Variants in CROCC2 observed in about 807,000 individuals in gnomAD.
The protein encoded by CROCC2 is ciliary rootlet coiled-coil protein 2.
CROCC2 carries 163 observed loss-of-function variants against 177.6 expected under a neutral mutation model. That is an observed-to-expected ratio of 0.92 (90% confidence interval 0.81 to 1.05). CROCC2 has a LOEUF of 1.05. CROCC2 is among the 50% of genes least tolerant of loss of function. The probability of loss-of-function intolerance (pLI) is 0.00; values close to 1 mark genes in which losing one functional copy is unlikely to be tolerated. For synonymous variants in CROCC2, 904 were observed against 787.3 expected (o/e 1.15, Z -2.48); for missense variants, 1,929 against 1,797.8 (o/e 1.07, Z -1.32).
chr2:240,939,030 G>A (rs1005384496), intron 14 of CROCC2, among the ~76,000 whole-genome samples: 22 of 151,982 alleles, frequency 1.4e-4, no homozygotes, highest in Non-Finnish European at 5.9e-5. Flanking sequence ...ACTAAGACCT[G>A]CAGAACAAAG....
At chr2:240,934,823 C>T (rs931226033) in intron 12 of CROCC2, 93 bp from the exon 13 acceptor site, 1 of 1,337,568 alleles carries the variant, frequency 7.5e-7, no homozygotes, top group Non-Finnish European at 9.8e-7. Context: ...GGCTTGCACA[C>T]CTCCGTGGCT....
rs928174388 is a variant in CROCC2 at position 240,972,846 on chromosome 2, G to A, written c.4401+4584G>A. 6.6e-6 allele frequency among the ~76,000 whole-genome samples: 1 copy of A among 152,148 alleles called. No homozygotes were observed. The highest frequency in any genetic ancestry group is 1.5e-5 in the Non-Finnish European group (1 of 68,002). On this transcript the variant is annotated intron_variant, in intron 27 of 31. Coordinates refer to ENST00000690015, the MANE Select transcript of CROCC2 (RefSeq NM_001351305.2). The surrounding 1 kb of genome is among the most constrained non-coding windows in gnomAD (Gnocchi z 7.1). ...AACTTTTTGTAATCTATGAGTCATT[G>A]TGATAGGTTTCTGGATTCAGACACA...
At chr2:240,976,869 A>C (rs2059770316) in intron 27 of CROCC2, among the ~76,000 whole-genome samples, 2 of 17,052 alleles carry the variant, frequency 1.2e-4, no homozygotes, top group African/African-American at 4.3e-4. Flanking sequence ...ATCCCTGCTC[A>C]GTCTCTGGGG....
In CROCC2 at chr2:240,993,065, G is replaced by T; in HGVS notation, c.4947-1G>T. 1.4e-6 allele frequency: 1 copy of T among 717,132 alleles called. No homozygotes were observed. Among genetic ancestry groups the T allele is most frequent in the South Asian group, 1.5e-5 (1 of 67,536 alleles). The allele number at this position is 717,132 out of a possible 1,614,324, so 44.4% of individuals were successfully genotyped here. A position where few individuals can be genotyped will look rare whatever the true frequency, so the allele number is the denominator to read the frequency against. ...ACGCCTCCCTCTTTGCATCCCTGCAGCGCCCAAAGGGACTGAAGCTCCCAG... is the reference window on the plus strand; with the variant it reads ...ACGCCTCCCTCTTTGCATCCCTGCATCGCCCAAAGGGACTGAAGCTCCCAG... On this transcript the variant is annotated splice_acceptor_variant, in intron 31 of 31. Coordinates refer to ENST00000690015, the MANE Select transcript of CROCC2 (RefSeq NM_001351305.2). LOFTEE classifies it high-confidence loss of function.
Position 240,958,290 on chromosome 2 carries a change from T to A in CROCC2, c.2944-1011T>A. On this transcript the variant is annotated intron_variant, in intron 19 of 31. Coordinates refer to ENST00000690015, the MANE Select transcript of CROCC2 (RefSeq NM_001351305.2). The surrounding 1 kb of genome is among the most constrained non-coding windows in gnomAD (Gnocchi z 6.7). ...TGCAGCCAGGCCTCAGGGGCACCCA[T>A]CACTGGCAGTGTTGGGGCATGCTGA... The A allele has an allele frequency of 7.2e-6, 5 of 694,528 alleles. No homozygotes were observed. Among genetic ancestry groups the A allele is most frequent in the Non-Finnish European group, 8.9e-6 (5 of 564,120 alleles). The allele number at this position is 694,528 out of a possible 1,614,324, so 43.0% of individuals were successfully genotyped here.
Position 240,960,052 on chromosome 2 carries a change from G to A in CROCC2, c.3087+608G>A, listed in dbSNP as rs1049031878. On this transcript the variant is annotated intron_variant, in intron 20 of 31. Coordinates refer to ENST00000690015, the MANE Select transcript of CROCC2 (RefSeq NM_001351305.2). The surrounding 1 kb of genome is among the most constrained non-coding windows in gnomAD (Gnocchi z 5.0). ...TCGTTCCACGCACAGTTAAGAAAGT[G>A]GAGTCAGGAAGGGCCTGACTCTGGA... Among the ~76,000 whole-genome samples, 6 of 152,246 alleles carry A rather than the reference G, an allele frequency of 3.9e-5. No homozygotes were observed. Among genetic ancestry groups the A allele is most frequent in the East Asian group, 1.9e-4 (1 of 5,194 alleles).
At chr2:240,975,328 G>C (rs1317395488) in intron 27 of CROCC2, among the ~76,000 whole-genome samples, 1 of 152,204 alleles carries the variant, frequency 6.6e-6, no homozygotes, top group African/African-American at 2.4e-5. Flanking sequence ...CCACTGTGTG[G>C]AGTGAAGGGC....
intron 28 of CROCC2, among the ~76,000 whole-genome samples, chr2:240,987,398 C>A (rs2059847736): frequency 6.6e-6 from 1 of 152,196 alleles, no homozygotes; most frequent in Non-Finnish European, 1.5e-5. Flanking sequence ...TCACTTTTCT[C>A]TTCTCTTTAT....
intron 20 of CROCC2, among the ~76,000 whole-genome samples, chr2:240,962,430 G>A (rs1416557463): frequency 6.6e-6 from 1 of 152,136 alleles, no homozygotes; most frequent in African/African-American, 2.4e-5. Context: ...CTTCTGGGCG[G>A]GTTTCTGCTG....
chr2:240,928,512 T>G lies in CROCC2; in HGVS notation c.646-1654T>G, dbSNP rs577901659. On this transcript the variant is annotated intron_variant, in intron 5 of 31. Transcript: ENST00000690015. Reference sequence around the variant, plus strand: ...TGACTTCACCAACTCCTGGCCTAAGTGTTCCAGCCGTTCAGGCCAGCCCAG... The same window carrying G: ...TGACTTCACCAACTCCTGGCCTAAGGGTTCCAGCCGTTCAGGCCAGCCCAG... Among the ~76,000 whole-genome samples the G allele has an allele frequency of 5.3e-5, 8 of 152,110 alleles. No homozygotes were observed. The East Asian group carries it at 1.6e-3, about 30-fold the overall frequency.
chr2:240,966,369 G>A lies in CROCC2; in HGVS notation c.4106G>A (p.Arg1369Gln), dbSNP rs752998489. 28 of 402,346 alleles carry A rather than the reference G, an allele frequency of 7.0e-5. No individual in the cohort carries two copies. The highest frequency in any genetic ancestry group is 4.1e-4 in the African/African-American group (20 of 48,838). The allele number at this position is 402,346 out of a possible 1,614,324, so 24.9% of individuals were successfully genotyped here. ...GTGGCCACCGTGCAGGACATCCTGCGGGACTTTGTGCAGAAGCTCCGGGAA... is the reference window on the plus strand; with the variant it reads ...GTGGCCACCGTGCAGGACATCCTGCAGGACTTTGTGCAGAAGCTCCGGGAA... ...MDVATVQDIL[R>Q]DFVQKLREAQ... is the part of the protein sequence containing the mutation. Residue 1369 changes from arginine to glutamine, a missense_variant, in exon 25 of 32, where the codon CGG becomes CAG. By Grantham distance (43) the Arg-to-Gln change is conservative. Around this residue, in one of 3 missense-constraint regions of CROCC2, gnomAD observed 388 missense variants for 352.7 expected, o/e 1.10. Coordinates refer to ENST00000690015, the MANE Select transcript of CROCC2 (RefSeq NM_001351305.2).
intron 18 of CROCC2, among the ~76,000 whole-genome samples, chr2:240,951,614 G>GC (rs2059557284): frequency 6.6e-6 from 1 of 151,500 alleles, no homozygotes; most frequent in African/African-American, 2.4e-5. Context: ...CAGTTCATTT[G>GC]ACTATCCATC....
Position 240,925,017 on chromosome 2 carries a change from G to GC in CROCC2, c.489-702dup, listed in dbSNP as rs543873457. Among the ~76,000 whole-genome samples the GC allele has an allele frequency of 3.5e-3, 447 of 127,350 alleles. 41 individuals carry two copies. The highest frequency in any genetic ancestry group is 0.032 in the East Asian group (89 of 2,756). The allele number at this position is 127,350 out of a possible 152,430, so 83.5% of individuals were successfully genotyped here. ...TGACCCGGCCCCCCACACTGACCCA[G>GC]CCCCCACATTAACCCAGCCCTGCAC... On this transcript the variant is annotated intron_variant, in intron 4 of 31. Transcript: ENST00000690015.
At chr2:240,966,169 G>C in intron 24 of CROCC2, 56 bp from the exon 25 acceptor site, 1 of 1,219,176 alleles carries the variant, frequency 8.2e-7, no homozygotes, top group Non-Finnish European at 1.0e-6. Flanking sequence ...AAGGGGAAGG[G>C]CGTGTATCTG....
intron 28 of CROCC2, chr2:240,983,572 C>T (rs2059816599): frequency 1.6e-6 from 2 of 1,280,104 alleles, no homozygotes; most frequent in Non-Finnish European, 2.0e-6. Context: ...GCGCTCAGCT[C>T]GCACAGGTAG....
In CROCC2 at chr2:240,933,742, G is replaced by A; in HGVS notation, c.1536G>A (p.Gln512=). 1 of 1,550,134 alleles carries A rather than the reference G, an allele frequency of 6.5e-7. No homozygotes were observed. Among genetic ancestry groups the A allele is most frequent in the South Asian group, 1.2e-5 (1 of 84,042 alleles). ...GKADAADAEK[Q]GLEAEAAELQ... The stretch of plus-strand genomic sequence containing the variant: ...CAGATGCTGCAGATGCGGAGAAGCA[G>A]GGGCTGGAGGCCGAGGCTGCAGAGC... The change falls in exon 11 of 32, where the codon CAG becomes CAA. Residue 512 remains glutamine, a synonymous_variant. Coordinates refer to ENST00000690015, the MANE Select transcript of CROCC2 (RefSeq NM_001351305.2).
chr2:240,932,898 G>T lies in CROCC2; in HGVS notation c.1241G>T (p.Arg414Leu). 6.5e-7 allele frequency: 1 copy of T among 1,546,062 alleles called. No homozygotes were observed. Residue 414 changes from arginine (R) to leucine (L), a missense_variant, in exon 9 of 32, where the codon CGG becomes CTG. This residue lies in a region of CROCC2 where 1,397 missense variants were observed against 1,239.9 expected (regional missense o/e 1.13). Transcript: ENST00000690015. ...AMRAAIERRW[R>L]REQELCLQLK... ...CGGGCAGCCATAGAGAGGCGGTGGC[G>T]GCGGGAACAGGTGGGCAGCCGCAGC...
Position 240,955,897 on chromosome 2 carries a change from T to G in CROCC2, c.2868T>G (p.Ser956Arg). ...AAGAAACAGAGCGGAGCCTTCTGAGTGAGGAGCTCTCCAGGGCCAGGAGGA... is the reference window on the plus strand; with the variant it reads ...AAGAAACAGAGCGGAGCCTTCTGAGGGAGGAGCTCTCCAGGGCCAGGAGGA... ...SLKETERSLL[S>R]EELSRARRTL... Residue 956 changes from serine to arginine, a missense_variant, in exon 19 of 32, where the codon AGT (serine) becomes AGG (arginine). Ser to Arg is a moderately radical substitution (Grantham distance 110). Around this residue, in one of 3 missense-constraint regions of CROCC2, gnomAD observed 1,397 missense variants for 1,239.9 expected, o/e 1.13. Transcript: ENST00000690015. 6.5e-7 allele frequency: 1 copy of G among 1,534,728 alleles called. No individual in the cohort carries two copies. The highest frequency in any genetic ancestry group is 8.7e-7 in the Non-Finnish European group (1 of 1,146,836).
rs979173272 is a variant in CROCC2 at position 240,934,929 on chromosome 2, A to G, written c.1805A>G (p.Asn602Ser). ...RSALARAECS[N>S]ADLELLVRRL... ...TCCCTGCCCCAGGCCGAGTGCAGCA[A>G]TGCGGACCTGGAGCTTCTTGTGAGG... The change falls in exon 13 of 32, where the codon AAT becomes AGT. Residue 602 changes from asparagine to serine, a missense_variant. Coordinates refer to ENST00000690015, the MANE Select transcript of CROCC2 (RefSeq NM_001351305.2). The G allele has an allele frequency of 1.2e-5, 19 of 1,520,062 alleles. No individual in the cohort carries two copies. The highest frequency in any genetic ancestry group is 1.6e-5 in the Non-Finnish European group (18 of 1,133,588). 94.2% of individuals were successfully genotyped at this position (1,520,062 alleles called of 1,614,324 possible). A position where few individuals can be genotyped will look rare whatever the true frequency, so the allele number is the denominator to read the frequency against.
Sources: allele counts gnomAD v4.1 joint callset (sites outside exome capture counted in the v4.1 genomes callset), GRCh38; gene constraint gnomAD v4.1.1; regional missense constraint gnomAD v4.1.1; non-coding constraint Gnocchi (gnomAD v3.1); transcripts MANE v1.5; gene names NCBI Gene and HGNC (gene_info 2026-07-23, HGNC 2026-07-21).